RABGAP1L: variants seen among roughly 807,000 people sequenced by gnomAD.
RABGAP1L encodes RAB GTPase activating protein 1 like.
In RABGAP1L, 63 loss-of-function variants were observed where a neutral mutation model predicts 137.7. The observed-to-expected ratio is 0.46, with a 90% CI of 0.37 to 0.56. The LOEUF (loss-of-function observed/expected upper bound fraction) is 0.56, where lower values mean the gene tolerates loss of function less well. Ranked by LOEUF, RABGAP1L falls within the 20% of genes least tolerant of loss-of-function variation. RABGAP1L has a pLI of 0.00. For synonymous variants in RABGAP1L, 431 were observed against 433.7 expected (o/e 0.99, Z 0.08); for missense variants, 1,095 against 1,244.0 (o/e 0.88, Z 1.80).
chr1:174,945,426 G>A (rs1352499479), intron 19 of RABGAP1L: 1 of 152,030 alleles, frequency 6.6e-6, no homozygotes, highest in Non-Finnish European at 1.5e-5. Flanking sequence ...CATCCAACAT[G>A]GTATACTAAC....
intron 13 of RABGAP1L, among the ~76,000 whole-genome samples, chr1:174,404,710 T>C (rs1258978486): frequency 1.3e-5 from 2 of 152,062 alleles, no homozygotes; most frequent in Non-Finnish European, 2.9e-5. Context: ...ACTGAAAAAA[T>C]ATCGATTGAC....
intron 12 of RABGAP1L, among the ~76,000 whole-genome samples, chr1:174,393,724 A>G (rs1372357197): frequency 6.6e-6 from 1 of 152,186 alleles, no homozygotes; most frequent in Non-Finnish European, 1.5e-5. Flanking sequence ...ATTATGAGTA[A>G]GTCCATAGGA....
At chr1:174,527,889 T>C (rs1664040177) in intron 13 of RABGAP1L, among the ~76,000 whole-genome samples, 1 of 146,518 alleles carries the variant, frequency 6.8e-6, no homozygotes, top group African/African-American at 2.6e-5. Flanking sequence ...TACTTTATCA[T>C]TATATACTTG....
Position 174,687,899 on chromosome 1 carries a change from G to T in RABGAP1L, c.1899+4303G>T, listed in dbSNP as rs368062938. ...AGTTTTGAATTTTTAGGATTTTTTC[G>T]TGTCTAAGTAGTCTAAATAAATAAT... On this transcript the variant is annotated intron_variant, in intron 15 of 25. Coordinates refer to ENST00000681986, the MANE Select transcript of RABGAP1L (RefSeq NM_001366446.1). Among the ~76,000 whole-genome samples, 4 of 152,250 alleles carry T rather than the reference G, an allele frequency of 2.6e-5. 1 individual carries two copies. The highest frequency in any genetic ancestry group is 1.9e-4 in the East Asian group (1 of 5,192).
At chr1:174,399,534 C>T (rs562228770) in intron 13 of RABGAP1L, among the ~76,000 whole-genome samples, 1 of 152,096 alleles carries the variant, frequency 6.6e-6, no homozygotes, top group Non-Finnish European at 1.5e-5. Flanking sequence ...TTTATAAAAA[C>T]CCTACCAGAG....
chr1:174,587,840 C>T (rs1669238517), intron 13 of RABGAP1L, among the ~76,000 whole-genome samples: 1 of 152,000 alleles, frequency 6.6e-6, no homozygotes, highest in African/African-American at 2.4e-5. Context: ...ATAAACATTC[C>T]AATTATACTC....
chr1:174,908,234 C>T (rs936651278), intron 19 of RABGAP1L, among the ~76,000 whole-genome samples: 3 of 152,166 alleles, frequency 2.0e-5, no homozygotes, highest in Admixed American at 2.0e-4. Flanking sequence ...CTCTCAGTAA[C>T]AGATGATCCA....
In RABGAP1L at chr1:174,432,915, T is replaced by A. The variant is rs1427617445; in HGVS notation, c.1710+38770T>A. On this transcript the variant is annotated intron_variant, in intron 13 of 25. Transcript: ENST00000681986. ...TTCAATAGAAAAGAGAAAGTGTTAT[T>A]ATTAATTTCCAAAACTCAGCATGTT... is the stretch of plus-strand genomic sequence containing the variant. Among the ~76,000 whole-genome samples the A allele has an allele frequency of 3.3e-5, 5 of 152,182 alleles. No homozygotes were observed. The East Asian group carries it at 9.6e-4, about 29-fold the overall frequency.
chr1:174,574,154 C>CAATT (rs1429963833), intron 13 of RABGAP1L, among the ~76,000 whole-genome samples: 2 of 152,158 alleles, frequency 1.3e-5, no homozygotes, highest in Admixed American at 6.5e-5. Context: ...CTTTTCTTTA[C>CAATT]AATTATTCTA....
chr1:174,296,814 A>G (rs553991245), intron 10 of RABGAP1L, among the ~76,000 whole-genome samples: 5 of 152,332 alleles, frequency 3.3e-5, no homozygotes, highest in African/African-American at 1.2e-4. Context: ...GAAATGATTT[A>G]ATGGGCTATT....
chr1:174,176,713 GAAAA>G (rs71563251), intron 1 of RABGAP1L, among the ~76,000 whole-genome samples: 21 of 21,546 alleles, frequency 9.7e-4, no homozygotes, highest in East Asian at 3.6e-3. Flanking sequence ...CCCTTTTTCA[GAAAA>G]AAAAAAAAAA....
At chr1:174,347,148 T>G (rs1340316513) in intron 11 of RABGAP1L, among the ~76,000 whole-genome samples, 1 of 152,188 alleles carries the variant, frequency 6.6e-6, no homozygotes, top group Non-Finnish European at 1.5e-5. Context: ...GACCTATCCT[T>G]GTGAATGATC....
At chr1:174,416,550 C>T (rs1342012066) in intron 13 of RABGAP1L, among the ~76,000 whole-genome samples, 3 of 152,072 alleles carry the variant, frequency 2.0e-5, no homozygotes, top group Non-Finnish European at 4.4e-5. Context: ...GGCTTCTTAA[C>T]TTCTAATCTT....
intron 14 of RABGAP1L, among the ~76,000 whole-genome samples, chr1:174,662,055 C>T (rs143730153): frequency 1.5e-4 from 23 of 150,928 alleles, no homozygotes; most frequent in African/African-American, 4.9e-4. Flanking sequence ...CATAAAACAG[C>T]CTGAGGTAGG....
At chr1:174,267,864 C>A (rs1310183346) in intron 7 of RABGAP1L, among the ~76,000 whole-genome samples, 1 of 152,144 alleles carries the variant, frequency 6.6e-6, no homozygotes, top group Non-Finnish European at 1.5e-5. Flanking sequence ...ACTGAAGAAT[C>A]ATAATTTTTC....
chr1:174,364,243 C>CTTTTGTTTTTTTTTTT (rs1684395181), intron 11 of RABGAP1L, among the ~76,000 whole-genome samples: 1 of 81,184 alleles, frequency 1.2e-5, no homozygotes. Context: ...TTTGGATTTC[C>CTTTTGTTTTTTTTTTT]TTTTTTTTTT....
chr1:174,243,313 A>G (rs761846763), intron 5 of RABGAP1L: 18 of 152,160 alleles, frequency 1.2e-4, no homozygotes, highest in Non-Finnish European at 2.5e-4. Flanking sequence ...CATTTTGGAT[A>G]TAGTATTAAA....
Position 174,252,463 on chromosome 1 carries a change from C to A in RABGAP1L, c.876-17C>A. ...TATTAGATTATTGGTAATTCCTATTCCTTTTGAATATTTCAGCCCTGTGCC... is the reference window on the plus strand; with the variant it reads ...TATTAGATTATTGGTAATTCCTATTACTTTTGAATATTTCAGCCCTGTGCC... On this transcript the variant is annotated splice_polypyrimidine_tract_variant and intron_variant, in intron 6 of 25. Coordinates refer to ENST00000681986, the MANE Select transcript of RABGAP1L (RefSeq NM_001366446.1). 6.2e-7 allele frequency: 1 copy of A among 1,602,736 alleles called. No homozygotes were observed.
At position 174,327,970 on chromosome 1, in the gene RABGAP1L, TATATATATACACACAC is replaced by T. The variant is rs1271423009; in HGVS notation, c.1465+22853_1465+22868del. Among the ~76,000 whole-genome samples, 7 of 15,252 alleles carry T rather than the reference TATATATATACACACAC, an allele frequency of 4.6e-4. 1 individual carries two copies. Among genetic ancestry groups the T allele is most frequent in the African/African-American group, 2.9e-3 (6 of 2,102 alleles). 10.0% of individuals were successfully genotyped at this position (15,252 alleles called of 152,430 possible). A position where few individuals can be genotyped will look rare whatever the true frequency, so the allele number is the denominator to read the frequency against. On this transcript the variant is annotated intron_variant, in intron 11 of 25. Transcript: ENST00000681986. ...TAACAGTTGTAAATATATATATATA[TATATATATACACACAC>T]ATATATATATATATATATATATATA... is the stretch of plus-strand genomic sequence containing the variant.
Sources: gnomAD v4.1 joint callset for allele counts (sites outside exome capture counted in the v4.1 genomes callset) on GRCh38, gnomAD v4.1.1 for gene constraint, MANE v1.5 for transcripts, NCBI Gene and HGNC (gene_info 2026-07-23, HGNC 2026-07-21) for gene names.